The following PDIA5 variants were observed in gnomAD, a reference collection of about 807,000 sequenced individuals.
The protein encoded by PDIA5 is protein disulfide-isomerase A5.
In PDIA5, 58 loss-of-function variants were observed where a neutral mutation model predicts 77.6. The observed-to-expected ratio is 0.75, with a 90% CI of 0.61 to 0.93. The LOEUF (loss-of-function observed/expected upper bound fraction) is 0.93. Ranked by LOEUF, PDIA5 falls within the 40% of genes least tolerant of loss-of-function variation. PDIA5 has a pLI of 0.00. For missense variants in PDIA5, 630 were observed against 647.7 expected (o/e 0.97, Z 0.30); for synonymous variants, 250 against 252.1 (o/e 0.99, Z 0.08).
chr3:123,089,799 G>C (rs1934237381), intron 2 of PDIA5, among the ~76,000 whole-genome samples: 1 of 152,248 alleles, frequency 6.6e-6, no homozygotes, highest in Non-Finnish European at 1.5e-5. Context: ...TCAGATGCAA[G>C]ACTGAATTTG....
chr3:123,091,309 C>T (rs984836382), intron 2 of PDIA5, among the ~76,000 whole-genome samples: 1 of 152,166 alleles, frequency 6.6e-6, no homozygotes, highest in Non-Finnish European at 1.5e-5. Flanking sequence ...TGCGGAGGCA[C>T]ATAATTCAGA....
intron 3 of PDIA5, among the ~76,000 whole-genome samples, chr3:123,093,927 G>A (rs1934364594): frequency 6.6e-6 from 1 of 152,254 alleles, no homozygotes; most frequent in African/African-American, 2.4e-5. Context: ...AGAACTGCCT[G>A]TGGAGGTGAA....
intron 1 of PDIA5, among the ~76,000 whole-genome samples, chr3:123,086,210 GT>G (rs1368902111): frequency 6.6e-6 from 1 of 152,186 alleles, no homozygotes; most frequent in Admixed American, 6.5e-5. Flanking sequence ...ATATATTATG[GT>G]AACTGATACT....
At chr3:123,130,730 C>A in intron 11 of PDIA5, 114 bp downstream of exon 11, 1 of 1,198,336 alleles carries the variant, frequency 8.3e-7, no homozygotes, top group Non-Finnish European at 1.2e-6. Context: ...TGCCAGGACC[C>A]ATGCTAAGCC....
chr3:123,088,001 TG>T (rs1934185635), intron 1 of PDIA5, among the ~76,000 whole-genome samples: 1 of 152,206 alleles, frequency 6.6e-6, no homozygotes, highest in Non-Finnish European at 1.5e-5. Context: ...TGCTGGGGGC[TG>T]GGAGCTTGGA....
intron 14 of PDIA5, among the ~76,000 whole-genome samples, chr3:123,152,686 C>A (rs558122949): frequency 6.6e-6 from 1 of 152,242 alleles, no homozygotes; most frequent in South Asian, 2.1e-4. Flanking sequence ...CTAGCTGCCT[C>A]ACCCCAACAT....
At chr3:123,085,235 G>A (rs1490789350) in intron 1 of PDIA5, among the ~76,000 whole-genome samples, 1 of 152,230 alleles carries the variant, frequency 6.6e-6, no homozygotes, top group East Asian at 1.9e-4. Context: ...CTTTCAATGC[G>A]CCAGGCCTTG....
chr3:123,124,462 G>A (rs1033513542), intron 10 of PDIA5, 119 bp downstream of exon 10: 1 of 780,844 alleles, frequency 1.3e-6, no homozygotes, highest in African/African-American at 1.7e-5. Flanking sequence ...GGGAATTGTG[G>A]TACTGCCTAC....
At chr3:123,093,922 T>G (rs1319418391) in intron 3 of PDIA5, among the ~76,000 whole-genome samples, 2 of 152,222 alleles carry the variant, frequency 1.3e-5, no homozygotes, top group East Asian at 3.9e-4. Context: ...CCCCCAGAAC[T>G]GCCTGTGGAG....
chr3:123,125,509 T>G (rs1935226305), intron 10 of PDIA5, among the ~76,000 whole-genome samples: 1 of 151,866 alleles, frequency 6.6e-6, no homozygotes, highest in African/African-American at 2.4e-5. Flanking sequence ...TCGGAGCCCC[T>G]CCCCTCAGCT....
At chr3:123,100,893 G>C (rs1480390138) in intron 3 of PDIA5, among the ~76,000 whole-genome samples, 1 of 152,210 alleles carries the variant, frequency 6.6e-6, no homozygotes, top group African/African-American at 2.4e-5. Flanking sequence ...ACAGCGCCTT[G>C]CCTCAGGTGG....
chr3:123,108,779 G>A (rs936152354), intron 6 of PDIA5, among the ~76,000 whole-genome samples: 5 of 151,880 alleles, frequency 3.3e-5, no homozygotes, highest in African/African-American at 9.7e-5. Context: ...CCAGCTACTC[G>A]GGAGACTGAG....
At position 123,149,828 on chromosome 3, in the gene PDIA5, C is replaced by T. The variant is rs1576464830; in HGVS notation, c.1143-406C>T. Among the ~76,000 whole-genome samples, 6 of 152,252 alleles carry T rather than the reference C, an allele frequency of 3.9e-5. No homozygotes were observed. The South Asian group carries it at 1.2e-3, about 32-fold the overall frequency. On this transcript the variant is annotated intron_variant, in intron 13 of 16. Coordinates refer to ENST00000316218, the MANE Select transcript of PDIA5 (RefSeq NM_006810.4). Reference sequence around the variant, plus strand: ...CTCACTCCTTGGCCCATGCTCTCCACCAGAACAGAAGCTGAGAACCAGAAG... The same window carrying T: ...CTCACTCCTTGGCCCATGCTCTCCATCAGAACAGAAGCTGAGAACCAGAAG...
At position 123,154,997 on chromosome 3, in the gene PDIA5, C is replaced by T; in HGVS notation, c.1300C>T (p.Pro434Ser). 1 of 1,612,590 alleles carries T rather than the reference C, an allele frequency of 6.2e-7. No individual in the cohort carries two copies. The highest frequency in any genetic ancestry group is 1.3e-5 in the African/African-American group (1 of 74,992). The change falls in exon 15 of 17, where the codon CCG becomes TCG. Residue 434 changes from proline (P) to serine (S), a missense_variant. Pro to Ser is a moderately conservative substitution (Grantham distance 74). Transcript: ENST00000316218. ...PWCPHCKKVI[P>S]HFTATADAFK... Reference sequence around the variant, plus strand: ...GTGCCCACACTGTAAGAAGGTCATTCCGCACTTTACTGCTACTGCTGATGC... The same window carrying T: ...GTGCCCACACTGTAAGAAGGTCATTTCGCACTTTACTGCTACTGCTGATGC...
chr3:123,108,885 C>CAAAAAAAAAAAAAAAAA (rs375336044), intron 6 of PDIA5, among the ~76,000 whole-genome samples: 1 of 151,176 alleles, frequency 6.6e-6, no homozygotes, highest in African/African-American at 2.4e-5. Context: ...GACTCCTTCT[C>CAAAAAAAAAAAAAAAAA]AAAAAAAAGC....
intron 8 of PDIA5, among the ~76,000 whole-genome samples, 179 bp downstream of exon 8, chr3:123,116,477 G>C (rs1297835537): frequency 6.6e-6 from 1 of 152,214 alleles, no homozygotes; most frequent in East Asian, 1.9e-4. Flanking sequence ...TGTGAAGGTT[G>C]AGAACTCCAC....
chr3:123,088,687 C>T (rs1289446347), intron 1 of PDIA5, among the ~76,000 whole-genome samples: 1 of 152,142 alleles, frequency 6.6e-6, no homozygotes, highest in African/African-American at 2.4e-5. Flanking sequence ...TGCTCAAGTC[C>T]TTTATATAAA....
At chr3:123,119,333 C>T (rs1327053232) in intron 8 of PDIA5, among the ~76,000 whole-genome samples, 1 of 152,176 alleles carries the variant, frequency 6.6e-6, no homozygotes, top group Non-Finnish European at 1.5e-5. Context: ...GTTCCCTCAA[C>T]ATTACAGAAA....
At chr3:123,117,399 T>TATATATATATATATATATATA (rs60353329) in intron 8 of PDIA5, among the ~76,000 whole-genome samples, 91 of 135,264 alleles carry the variant, frequency 6.7e-4, no homozygotes, top group African/African-American at 8.7e-4. Flanking sequence ...TATATATATA[T>TATATATATATATATATATATA]TCTGTTTTAG....
Sources: allele counts gnomAD v4.1 joint callset (sites outside exome capture counted in the v4.1 genomes callset), GRCh38; gene constraint gnomAD v4.1.1; transcripts MANE v1.5; gene names NCBI Gene and HGNC (gene_info 2026-07-23, HGNC 2026-07-21).